Variants in DOCK8 observed in about 807,000 individuals in gnomAD.
The protein encoded by DOCK8 is dedicator of cytokinesis protein 8.
A neutral mutation model predicts 245.6 loss-of-function variants in DOCK8; 141 were observed. The observed-to-expected ratio is 0.57, with a 90% CI of 0.50 to 0.66. The LOEUF is 0.66. Among genes scored for constraint, DOCK8 ranks in the 30% least tolerant of loss-of-function variants. The pLI is 0.00. For missense variants in DOCK8, 2,965 were observed against 2,603.4 expected (o/e 1.14, Z -3.02); for synonymous variants, 1,168 against 970.2 (o/e 1.20, Z -3.79).
At chr9:408,878 A>G (rs527632732) in intron 28 of DOCK8, among the ~76,000 whole-genome samples, 980 of 97,862 alleles carry the variant, frequency 0.01, 12 homozygotes, top group African/African-American at 0.041. Flanking sequence ...ACACACACAC[A>G]CACACACACG....
chr9:280,202 A>C lies in DOCK8; in HGVS notation c.157-6259A>C, dbSNP rs189351913. On this transcript the variant is annotated intron_variant, in intron 2 of 47. Coordinates refer to ENST00000432829, the MANE Select transcript of DOCK8 (RefSeq NM_203447.4). ...AATTTAAGCTTTGGTGATATTTCTA[A>C]TTATTTTTTGTGTGTTTCTAGTCTA... is the stretch of plus-strand genomic sequence containing the variant. 5.9e-5 allele frequency among the ~76,000 whole-genome samples: 9 copies of C among 152,334 alleles called. No homozygotes were observed. In the East Asian group the frequency reaches 1.7e-3, roughly 29 times the overall value.
At chr9:265,530 C>T (rs2048017356) in intron 1 of DOCK8, among the ~76,000 whole-genome samples, 1 of 152,162 alleles carries the variant, frequency 6.6e-6, no homozygotes. Flanking sequence ...TTCTTTACCC[C>T]ACCCCTTTCA....
At chr9:341,683 G>A (rs1399897448) in intron 14 of DOCK8, among the ~76,000 whole-genome samples, 7 of 152,084 alleles carry the variant, frequency 4.6e-5, no homozygotes, top group African/African-American at 1.4e-4. Flanking sequence ...TAAAATGTAC[G>A]CAAATGACTT....
chr9:254,548 C>G (rs188512262), intron 1 of DOCK8, among the ~76,000 whole-genome samples: 64 of 152,172 alleles, frequency 4.2e-4, no homozygotes, highest in African/African-American at 1.4e-3. Context: ...TCTAAAGTGC[C>G]TTGAAAAACT....
At chr9:399,986 CT>C (rs1219462223) in intron 26 of DOCK8, among the ~76,000 whole-genome samples, 1 of 132,940 alleles carries the variant, frequency 7.5e-6, no homozygotes, top group South Asian at 2.7e-4. Context: ...CCATCACCAC[CT>C]CCCACCACCT....
At chr9:298,618 A>AGAGT (rs112732647) in intron 4 of DOCK8, among the ~76,000 whole-genome samples, 6 of 145,400 alleles carry the variant, frequency 4.1e-5, no homozygotes, top group African/African-American at 1.5e-4. Context: ...CACATCTGTA[A>AGAGT]GTGTGTGTGT....
chr9:279,981 C>G lies in DOCK8; in HGVS notation c.157-6480C>G, dbSNP rs2048509289. ...TGTTTAGATTTGTGGTTTGAGTCAG[C>G]TATCTGTATACTACACTGTGTTAGG... On this transcript the variant is annotated intron_variant, in intron 2 of 47. Coordinates refer to ENST00000432829, the MANE Select transcript of DOCK8 (RefSeq NM_203447.4). 3.3e-5 allele frequency among the ~76,000 whole-genome samples: 5 copies of G among 152,068 alleles called. No individual in the cohort carries two copies. In the South Asian group the frequency reaches 1.0e-3, roughly 32 times the overall value.
rs1564064104 is a variant in DOCK8 at position 433,865 on chromosome 9, C to CT, written c.4786-5dup. 4 of 1,608,246 alleles carry CT rather than the reference C, an allele frequency of 2.5e-6. No homozygotes were observed. Among genetic ancestry groups the CT allele is most frequent in the Admixed American group, 1.7e-5 (1 of 59,988 alleles). ...AGCTAAGATTATTTTGAGGCTTACA[C>CT]TTTTTGCAGGTGGAGGAACTTCTCT... On this transcript the variant is annotated splice_polypyrimidine_tract_variant and intron_variant, in intron 37 of 47. Transcript: ENST00000432829.
chr9:395,448 A>G (rs1044034665), intron 24 of DOCK8, among the ~76,000 whole-genome samples: 2 of 152,084 alleles, frequency 1.3e-5, no homozygotes, highest in Admixed American at 6.5e-5. Flanking sequence ...ACGTTCTCTC[A>G]TGTAGCTCCT....
intron 6 of DOCK8, among the ~76,000 whole-genome samples, chr9:313,725 CA>C (rs1199402504): frequency 1.3e-5 from 2 of 152,168 alleles, no homozygotes; most frequent in Admixed American, 1.3e-4. Flanking sequence ...TTACATATTT[CA>C]AAACTGCTTT....
chr9:253,936 T>A (rs2047709846), intron 1 of DOCK8, among the ~76,000 whole-genome samples: 1 of 152,244 alleles, frequency 6.6e-6, no homozygotes, highest in South Asian at 2.1e-4. Context: ...TTTTGAGATG[T>A]GTTCAAATGC....
chr9:249,719 G>A (rs2047602845), intron 1 of DOCK8, among the ~76,000 whole-genome samples: 1 of 151,984 alleles, frequency 6.6e-6, no homozygotes, highest in Admixed American at 6.5e-5. Context: ...CCAGGTTCAA[G>A]CGATTCTCCT....
At chr9:343,656 A>G (rs1042105232) in intron 14 of DOCK8, among the ~76,000 whole-genome samples, 9 of 152,100 alleles carry the variant, frequency 5.9e-5, no homozygotes, top group Non-Finnish European at 1.2e-4. Context: ...TTACATCTAA[A>G]CTTAGTCCCC....
intron 34 of DOCK8, 135 bp from the exon 35 acceptor site, chr9:428,226 AC>A: frequency 7.6e-7 from 1 of 1,324,130 alleles, no homozygotes; most frequent in Non-Finnish European, 1.1e-6. Context: ...AATGGATGAT[AC>A]CCATGGTGGC....
chr9:409,588 T>C (rs926787937), intron 28 of DOCK8, among the ~76,000 whole-genome samples: 3 of 152,206 alleles, frequency 2.0e-5, no homozygotes, highest in Admixed American at 1.3e-4. Context: ...ATTCTTTTTT[T>C]ATTATTATCA....
intron 14 of DOCK8, among the ~76,000 whole-genome samples, chr9:364,556 C>A (rs2052882929): frequency 6.6e-6 from 1 of 150,458 alleles, no homozygotes; most frequent in African/African-American, 2.5e-5. Context: ...ATCACTGGAG[C>A]CCAGGAGGTC....
intron 31 of DOCK8, 100 bp from the exon 32 acceptor site, chr9:420,849 A>G (rs1452980416): frequency 6.6e-7 from 1 of 1,526,550 alleles, no homozygotes; most frequent in Non-Finnish European, 9.1e-7. Context: ...GCACATGTCA[A>G]ACTTAGCTGG....
intron 13 of DOCK8, among the ~76,000 whole-genome samples, chr9:339,706 G>C (rs977373272): frequency 8.5e-5 from 13 of 152,154 alleles, no homozygotes; most frequent in African/African-American, 3.1e-4. Flanking sequence ...AGTAGAGACA[G>C]GGTTTCACCA....
At chr9:354,473 G>T (rs988578651) in intron 14 of DOCK8, among the ~76,000 whole-genome samples, 2 of 151,902 alleles carry the variant, frequency 1.3e-5, no homozygotes, top group Non-Finnish European at 2.9e-5. Context: ...ACTTGTGTTA[G>T]TTATCTATTG....
Sources: allele counts gnomAD v4.1 joint callset (sites outside exome capture counted in the v4.1 genomes callset), GRCh38; gene constraint gnomAD v4.1.1; transcripts MANE v1.5; gene names NCBI Gene and HGNC (gene_info 2026-07-23, HGNC 2026-07-21).